The following GAK variants were observed in gnomAD, a reference collection of about 807,000 sequenced individuals.
GAK encodes cyclin-G-associated kinase.
Under a neutral mutation model 143.9 loss-of-function variants are expected in GAK, and 79 were observed. The ratio of observed to expected loss-of-function variants is 0.55; its 90% CI spans 0.46 to 0.66. The LOEUF is 0.66. Among genes scored for constraint, GAK ranks in the 30% least tolerant of loss-of-function variants. The pLI, the probability that GAK is intolerant of heterozygous loss-of-function variation, is 0.00. For synonymous variants in GAK, 881 were observed against 765.5 expected, an observed-to-expected ratio of 1.15 and a Z score of -2.49; for missense variants, 1,693 against 1,779.7, an observed-to-expected ratio of 0.95 and a Z score of 0.88.
intron 1 of GAK, among the ~76,000 whole-genome samples, chr4:930,808 A>C (rs1232711564): frequency 6.6e-6 from 1 of 152,106 alleles, no homozygotes; most frequent in Non-Finnish European, 1.5e-5. Flanking sequence ...TTTTGACCAC[A>C]ATGGAGACAA....
At chr4:876,347 G>A (rs578072696) in intron 18 of GAK, among the ~76,000 whole-genome samples, 183 bp downstream of exon 18, 2 of 152,288 alleles carry the variant, frequency 1.3e-5, no homozygotes, top group African/African-American at 2.4e-5. Context: ...AGCAGCCACC[G>A]GGTCCACCCC....
At chr4:918,411 C>A (rs987883525) in intron 1 of GAK, among the ~76,000 whole-genome samples, 4 of 152,186 alleles carry the variant, frequency 2.6e-5, no homozygotes, top group African/African-American at 9.7e-5. Flanking sequence ...TAATAAAAGG[C>A]ATAAAGATCA....
chr4:894,125 G>A (rs954917440), intron 7 of GAK, 116 bp from the exon 8 acceptor site: 18 of 1,190,922 alleles, frequency 1.5e-5, no homozygotes, highest in African/African-American at 6.4e-5. Context: ...GGGTGACATC[G>A]GAGCCGTGGG....
intron 10 of GAK, among the ~76,000 whole-genome samples, chr4:889,542 G>A (rs908693425): frequency 2.6e-5 from 4 of 152,138 alleles, no homozygotes; most frequent in South Asian, 2.1e-4. Context: ...CCAGCAGCTC[G>A]AGGACTCACC....
Position 859,597 on chromosome 4 carries a change from C to T in GAK, c.3283+9G>A. Reference sequence around the variant, plus strand: ...AGCTTCCACACCCCCAAAGTGCCCTCCACGTTACCTTGGAGGCCGGAGCTG... The same window carrying T: ...AGCTTCCACACCCCCAAAGTGCCCTTCACGTTACCTTGGAGGCCGGAGCTG... On this transcript the variant is annotated intron_variant, in intron 24 of 27. Transcript: ENST00000314167. 6.3e-7 allele frequency: 1 copy of T among 1,593,792 alleles called. No homozygotes were observed. Among genetic ancestry groups the T allele is most frequent in the Non-Finnish European group, 8.6e-7 (1 of 1,163,132 alleles).
At chr4:926,395 G>T (rs746736218) in intron 1 of GAK, among the ~76,000 whole-genome samples, 2 of 152,132 alleles carry the variant, frequency 1.3e-5, no homozygotes, top group Non-Finnish European at 2.9e-5. Context: ...GAGCAACGGG[G>T]GCCAGGACAG....
In GAK at chr4:905,442, G is replaced by A. The variant is rs573826251; in HGVS notation, c.383-663C>T. On this transcript the variant is annotated intron_variant, in intron 4 of 27. Transcript: ENST00000314167. ...GCCACGCTACAGACTCTGCCACGCC[G>A]CGCCACGCTAGGGGCTCCGCCACGC... is the stretch of plus-strand genomic sequence containing the variant. Among the ~76,000 whole-genome samples the A allele has an allele frequency of 7.4e-4, 106 of 143,726 alleles. 1 individual carries two copies. Among genetic ancestry groups the A allele is most frequent in the Middle Eastern group, 7.8e-3 (2 of 256 alleles). The allele number at this position is 143,726 out of a possible 152,430, so 94.3% of individuals were successfully genotyped here.
Position 849,969 on chromosome 4 carries a change from C to T in GAK, c.3757G>A (p.Gly1253Ser), listed in dbSNP as rs746206598. 24 of 1,611,752 alleles carry T rather than the reference C, an allele frequency of 1.5e-5. No homozygotes were observed. Among genetic ancestry groups the T allele is most frequent in the Non-Finnish European group, 1.9e-5 (22 of 1,179,444 alleles). The change falls in exon 27 of 28, where the codon GGC becomes AGC. Residue 1253 changes from glycine to serine, a missense_variant. Transcript: ENST00000314167. ...WDGESRWTPV[G>S]MADLVAPEQV... ...TCCGGAGCCACCAGGTCGGCCATGC[C>T]CACGGGCGTCCAGCGGCTCTCCCCG... is the stretch of plus-strand genomic sequence containing the variant.
Position 881,493 on chromosome 4 carries a change from C to T in GAK, c.1661+414G>A, listed in dbSNP as rs192425016. Reference sequence around the variant, plus strand: ...CCTGCTGCGCGCTGAGGTGGAGCGGCACAGAAGCCTGTATTTGGCAGGGCC... The same window carrying T: ...CCTGCTGCGCGCTGAGGTGGAGCGGTACAGAAGCCTGTATTTGGCAGGGCC... On this transcript the variant is annotated intron_variant, in intron 15 of 27. Coordinates refer to ENST00000314167, the MANE Select transcript of GAK (RefSeq NM_005255.4). Among the ~76,000 whole-genome samples the T allele has an allele frequency of 4.5e-4, 69 of 152,346 alleles. 1 individual carries two copies. The East Asian group carries it at 0.012, about 26-fold the overall frequency.
chr4:881,810 C>T (rs764616809), intron 15 of GAK, 97 bp downstream of exon 15: 15 of 1,366,354 alleles, frequency 1.1e-5, no homozygotes, highest in South Asian at 4.5e-5. Flanking sequence ...GCGCCTGCAG[C>T]GGCACCGACT....
intron 17 of GAK, 85 bp from the exon 18 acceptor site, chr4:876,694 A>G: frequency 8.5e-7 from 1 of 1,180,494 alleles, no homozygotes; most frequent in Non-Finnish European, 1.3e-6. Context: ...AATGGGCGAG[A>G]TCTGAGAGCG....
chr4:912,408 C>A, intron 3 of GAK: 1 of 378,866 alleles, frequency 2.6e-6, no homozygotes. Context: ...GCCAGGTCTC[C>A]GGAGGAGCTG....
At chr4:858,830 T>C (rs1749746048) in intron 24 of GAK, among the ~76,000 whole-genome samples, 1 of 152,048 alleles carries the variant, frequency 6.6e-6, no homozygotes, top group Non-Finnish European at 1.5e-5. Context: ...GGAGAAACGA[T>C]GAGGAGACGG....
At chr4:869,307 GCACA>G (rs35953934) in intron 19 of GAK, 4 of 129,584 alleles carry the variant, frequency 3.1e-5, no homozygotes, top group African/African-American at 9.0e-5. Context: ...ACACATGAAT[GCACA>G]CACAGCACAC....
In GAK at chr4:871,453, C is replaced by T. The variant is rs534856949; in HGVS notation, c.2055-549G>A. ...ATAAAAATGACGACGTCCGCCCTGA[C>T]AAAAATCCACAACTGTCAACAGATG... On this transcript the variant is annotated intron_variant, in intron 18 of 27. Coordinates refer to ENST00000314167, the MANE Select transcript of GAK (RefSeq NM_005255.4). 3.3e-5 allele frequency among the ~76,000 whole-genome samples: 5 copies of T among 152,308 alleles called. No homozygotes were observed. The South Asian group carries it at 1.0e-3, about 32-fold the overall frequency.
chr4:878,785 T>G (rs990006157), intron 15 of GAK, among the ~76,000 whole-genome samples: 1 of 152,224 alleles, frequency 6.6e-6, no homozygotes, highest in Non-Finnish European at 1.5e-5. Flanking sequence ...GGTGCCTCTG[T>G]GGAGCATAAA....
At chr4:864,683 T>C (rs1750840730) in intron 23 of GAK, among the ~76,000 whole-genome samples, 2 of 151,766 alleles carry the variant, frequency 1.3e-5, no homozygotes, top group African/African-American at 2.4e-5. Flanking sequence ...TGACAGGGCA[T>C]GGGGCATCGG....
chr4:887,183 C>G (rs1332653033), intron 11 of GAK: 1 of 151,648 alleles, frequency 6.6e-6, no homozygotes, highest in Non-Finnish European at 1.5e-5. Flanking sequence ...CACGCGTACA[C>G]ATGCACGCGG....
chr4:931,914 T>C (rs1725910788), intron 1 of GAK, 129 bp downstream of exon 1: 4 of 716,026 alleles, frequency 5.6e-6, no homozygotes. Flanking sequence ...TGGCCGACCC[T>C]GACCCACGAT....
Sources: gnomAD v4.1 joint callset for allele counts (sites outside exome capture counted in the v4.1 genomes callset) on GRCh38, gnomAD v4.1.1 for gene constraint, MANE v1.5 for transcripts, NCBI Gene and HGNC (gene_info 2026-07-23, HGNC 2026-07-21) for gene names.